The following JAM3 variants were observed in gnomAD, a reference collection of about 807,000 sequenced individuals.
JAM3 encodes the protein junctional adhesion molecule C.
In JAM3, 31 loss-of-function variants were observed where a neutral mutation model predicts 39.4. The ratio of observed to expected loss-of-function variants is 0.79; its 90% CI spans 0.59 to 1.06. The LOEUF (loss-of-function observed/expected upper bound fraction) is 1.06. Ranked by LOEUF, JAM3 falls within the 50% of genes least tolerant of loss-of-function variation. The pLI is 0.00. For missense variants in JAM3, 455 were observed against 391.4 expected, an observed-to-expected ratio of 1.16 and a Z score of -1.37; for synonymous variants, 182 against 148.7, an observed-to-expected ratio of 1.22 and a Z score of -1.63.
At position 134,151,348 on chromosome 11, in the gene JAM3, C is replaced by A. The variant is rs1404077081; in HGVS notation, c.*2167C>A. 6.6e-6 allele frequency: 1 copy of A among 152,178 alleles called. No homozygotes were observed. The highest frequency in any genetic ancestry group is 2.1e-4 in the South Asian group (1 of 4,824). 9.4% of individuals were successfully genotyped at this position (152,178 alleles called of 1,614,324 possible). On this transcript the variant is annotated 3_prime_UTR_variant, in exon 9 of 9. Transcript: ENST00000299106. ...ATCCTGGATGCTTAGCATGCAAGTT[C>A]CCTCCATCATTGCCACCTTGGTAGA...
chr11:134,097,219 C>T (rs1941999742), intron 1 of JAM3, among the ~76,000 whole-genome samples: 1 of 152,160 alleles, frequency 6.6e-6, no homozygotes, highest in Non-Finnish European at 1.5e-5. Flanking sequence ...CATCCTCTTC[C>T]CTCAATAGTT....
chr11:134,097,904 T>C (rs1054807686), intron 1 of JAM3, among the ~76,000 whole-genome samples: 5 of 151,934 alleles, frequency 3.3e-5, no homozygotes, highest in Non-Finnish European at 5.9e-5. Context: ...CTGTAAGATA[T>C]TGAGTTTATG....
chr11:134,149,605 G>A lies in JAM3; in HGVS notation c.*424G>A, dbSNP rs894786765. The A allele has an allele frequency of 1.3e-5, 6 of 465,804 alleles. No individual in the cohort carries two copies. The highest frequency in any genetic ancestry group is 3.1e-5 in the South Asian group (2 of 64,662). 28.9% of individuals were successfully genotyped at this position (465,804 alleles called of 1,614,324 possible). A position where few individuals can be genotyped will look rare whatever the true frequency, so the allele number is the denominator to read the frequency against. On this transcript the variant is annotated 3_prime_UTR_variant, in exon 9 of 9. Coordinates refer to ENST00000299106, the MANE Select transcript of JAM3 (RefSeq NM_032801.5). The stretch of plus-strand genomic sequence containing the variant: ...GAGGTGGCTGGACAGCACCAGCAGC[G>A]CATCCCGGCGGGAACCCAGAAAAGG...
At chr11:134,113,527 A>G (rs1021967269) in intron 1 of JAM3, among the ~76,000 whole-genome samples, 3 of 152,124 alleles carry the variant, frequency 2.0e-5, no homozygotes, top group African/African-American at 7.2e-5. Flanking sequence ...TGAACTCATC[A>G]TCTTTTATGG....
At chr11:134,138,691 T>C (rs1727802200) in intron 1 of JAM3, among the ~76,000 whole-genome samples, 1 of 152,254 alleles carries the variant, frequency 6.6e-6, no homozygotes, top group East Asian at 1.9e-4. Context: ...CAAAATAACA[T>C]TATCTTCACT....
chr11:134,145,140 A>G, intron 5 of JAM3, 146 bp downstream of exon 5: 1 of 731,120 alleles, frequency 1.4e-6, no homozygotes, highest in Non-Finnish European at 2.4e-6. Flanking sequence ...CTACAGGAAA[A>G]ATGACCCTTC....
chr11:134,137,614 A>G (rs1352218572), intron 1 of JAM3, among the ~76,000 whole-genome samples: 1 of 151,782 alleles, frequency 6.6e-6, no homozygotes, highest in African/African-American at 2.4e-5. Context: ...TGGTGCTCAT[A>G]CTGAGAGAAA....
At chr11:134,102,530 T>A (rs547450422) in intron 1 of JAM3, among the ~76,000 whole-genome samples, 2 of 152,138 alleles carry the variant, frequency 1.3e-5, no homozygotes, top group East Asian at 3.9e-4. Context: ...CTTTGATGAG[T>A]TGAGAGAAGA....
rs1943165101 is a variant in JAM3 at position 134,149,955 on chromosome 11, G to C, written c.*774G>C. The C allele has an allele frequency of 6.0e-6, 1 of 166,598 alleles. No homozygotes were observed. The highest frequency in any genetic ancestry group is 2.4e-5 in the African/African-American group (1 of 41,638). 10.3% of individuals were successfully genotyped at this position (166,598 alleles called of 1,614,324 possible). A position where few individuals can be genotyped will look rare whatever the true frequency, so the allele number is the denominator to read the frequency against. Reference sequence around the variant, plus strand: ...TAAATTTTTGCTAAGGATGTATTTTGATTATTGAAAAGAAAATTTCTATTT... The same window carrying C: ...TAAATTTTTGCTAAGGATGTATTTTCATTATTGAAAAGAAAATTTCTATTT... On this transcript the variant is annotated 3_prime_UTR_variant, in exon 9 of 9. Transcript: ENST00000299106.
chr11:134,133,199 A>G (rs765361302), intron 1 of JAM3, among the ~76,000 whole-genome samples: 7 of 152,094 alleles, frequency 4.6e-5, no homozygotes, highest in Non-Finnish European at 4.4e-5. Flanking sequence ...TGTGTGGAAT[A>G]TGTAGGGTTT....
At chr11:134,117,695 G>C (rs894923008) in intron 1 of JAM3, among the ~76,000 whole-genome samples, 1 of 152,180 alleles carries the variant, frequency 6.6e-6, no homozygotes, top group Admixed American at 6.5e-5. Context: ...TATGACAGTG[G>C]AGTGAAACAA....
chr11:134,136,002 G>A lies in JAM3; in HGVS notation c.77-3849G>A, dbSNP rs112073333. 5.3e-5 allele frequency among the ~76,000 whole-genome samples: 8 copies of A among 152,004 alleles called. No homozygotes were observed. The East Asian group carries it at 5.9e-4, about 11-fold the overall frequency. Reference sequence around the variant, plus strand: ...GGAGAATTGCTTGAACCTGGGAGGCGGAGGTTACATTGAGCTGAGATCACA... The same window carrying A: ...GGAGAATTGCTTGAACCTGGGAGGCAGAGGTTACATTGAGCTGAGATCACA... On this transcript the variant is annotated intron_variant, in intron 1 of 8. Coordinates refer to ENST00000299106, the MANE Select transcript of JAM3 (RefSeq NM_032801.5).
At chr11:134,110,410 G>A (rs2120724057) in intron 1 of JAM3, among the ~76,000 whole-genome samples, 1 of 152,252 alleles carries the variant, frequency 6.6e-6, no homozygotes, top group South Asian at 2.1e-4. Flanking sequence ...CCCATCAATA[G>A]TAAATAAACA....
rs936160291 is a variant in JAM3 at position 134,151,520 on chromosome 11, T to TAG, written c.*2345_*2346dup. The TAG allele has an allele frequency of 6.6e-6, 1 of 152,066 alleles. No individual in the cohort carries two copies. Among genetic ancestry groups the TAG allele is most frequent in the Admixed American group, 6.6e-5 (1 of 15,266 alleles). The allele number at this position is 152,066 out of a possible 1,614,324, so 9.4% of individuals were successfully genotyped here. A position where few individuals can be genotyped will look rare whatever the true frequency, so the allele number is the denominator to read the frequency against. ...GCCATGGGAACCAGGTCTGAAAAAG[T>TAG]AGAGAGAAGTGAAAGTAGAGTCTGG... On this transcript the variant is annotated 3_prime_UTR_variant, in exon 9 of 9. Transcript: ENST00000299106.
At chr11:134,121,383 C>T (rs1461487320) in intron 1 of JAM3, among the ~76,000 whole-genome samples, 1 of 151,858 alleles carries the variant, frequency 6.6e-6, no homozygotes, top group East Asian at 1.9e-4. Context: ...ATCTGAGGAG[C>T]CGTGTGAGCT....
chr11:134,105,120 C>A (rs539551891), intron 1 of JAM3, among the ~76,000 whole-genome samples: 5 of 152,150 alleles, frequency 3.3e-5, no homozygotes, highest in Admixed American at 2.6e-4. Flanking sequence ...TACTGGCAAA[C>A]CAAATCCAGC....
intron 3 of JAM3, 80 bp from the exon 4 acceptor site, chr11:134,144,161 G>A: frequency 6.3e-6 from 9 of 1,425,264 alleles, no homozygotes; most frequent in Non-Finnish European, 8.9e-6. Context: ...GGCATCTAGT[G>A]CTAGCCCCAG....
intron 1 of JAM3, among the ~76,000 whole-genome samples, chr11:134,089,862 T>G (rs1047792809): frequency 6.6e-6 from 1 of 152,226 alleles, no homozygotes; most frequent in Admixed American, 6.5e-5. Context: ...TTTCTAGTTC[T>G]AGATCCCTGA....
At chr11:134,100,986 T>C (rs1392093701) in intron 1 of JAM3, among the ~76,000 whole-genome samples, 1 of 152,222 alleles carries the variant, frequency 6.6e-6, no homozygotes, top group Non-Finnish European at 1.5e-5. Flanking sequence ...ATGTCTTCTT[T>C]CAATAAACCA....
Sources: gnomAD v4.1 joint callset for allele counts (sites outside exome capture counted in the v4.1 genomes callset) on GRCh38, gnomAD v4.1.1 for gene constraint, MANE v1.5 for transcripts, NCBI Gene and HGNC (gene_info 2026-07-23, HGNC 2026-07-21) for gene names.